Variants in EPHA5 observed in about 807,000 individuals in gnomAD.
EPHA5 encodes EPH receptor A5.
Under a neutral mutation model 105.0 loss-of-function variants are expected in EPHA5, and 60 were observed. The observed-to-expected ratio is 0.57, with a 90% CI of 0.46 to 0.71. EPHA5 has a LOEUF of 0.71. Ranked by LOEUF, EPHA5 falls within the 30% of genes least tolerant of loss-of-function variation. EPHA5 has a pLI of 0.00. For synonymous variants in EPHA5, 513 were observed against 449.1 expected (o/e 1.14, Z -1.80); for missense variants, 1,218 against 1,274.7 (o/e 0.96, Z 0.68).
Position 65,324,004 on chromosome 4 carries a change from G to C in EPHA5, c.*110C>G, listed in dbSNP as rs796182949. The C allele has an allele frequency of 3.7e-4, 254 of 695,582 alleles. 2 individuals carry two copies. The South Asian group carries it at 4.8e-3, about 13-fold the overall frequency. The allele number at this position is 695,582 out of a possible 1,614,324, so 43.1% of individuals were successfully genotyped here. A position where few individuals can be genotyped will look rare whatever the true frequency, so the allele number is the denominator to read the frequency against. On this transcript the variant is annotated 3_prime_UTR_variant, in exon 17 of 17. Coordinates refer to ENST00000613740, the MANE Select transcript of EPHA5 (RefSeq NM_001281766.3). ...TGTGGCTGAGGCAAATGTTTTCTAA[G>C]GTTTAGAAATCACTGTTTTCCCTTT... is the stretch of plus-strand genomic sequence containing the variant.
chr4:65,527,575 G>T (rs555953465), intron 3 of EPHA5, among the ~76,000 whole-genome samples: 1 of 151,982 alleles, frequency 6.6e-6, no homozygotes, highest in Non-Finnish European at 1.5e-5. Context: ...TTTTAAATTA[G>T]ATCTATATTT....
chr4:65,440,498 T>TCACA (rs1258442232), intron 5 of EPHA5, among the ~76,000 whole-genome samples: 2 of 28,162 alleles, frequency 7.1e-5, no homozygotes, highest in Non-Finnish European at 1.8e-4. Flanking sequence ...TTCCTAAATC[T>TCACA]TACACACACA....
intron 5 of EPHA5, among the ~76,000 whole-genome samples, chr4:65,478,524 T>C (rs1235858389): frequency 6.6e-6 from 1 of 152,188 alleles, no homozygotes; most frequent in Non-Finnish European, 1.5e-5. Flanking sequence ...CAGGCCAGAA[T>C]GCAGTGGCAC....
intron 3 of EPHA5, among the ~76,000 whole-genome samples, chr4:65,584,541 A>G (rs1475628199): frequency 2.0e-5 from 3 of 152,022 alleles, no homozygotes; most frequent in African/African-American, 7.2e-5. Flanking sequence ...CCTTTATGAC[A>G]TATTTAAAAA....
At chr4:65,331,673 A>T in intron 16 of EPHA5, 1 of 1,123,722 alleles carries the variant, frequency 8.9e-7, no homozygotes, top group Non-Finnish European at 1.1e-6. Context: ...GTATAAAAAA[A>T]CTTGTCAAGA....
intron 1 of EPHA5, among the ~76,000 whole-genome samples, chr4:65,657,626 C>T (rs1749188550): frequency 6.6e-6 from 1 of 152,012 alleles, no homozygotes; most frequent in Non-Finnish European, 1.5e-5. Flanking sequence ...ACTGCAATAC[C>T]AGAGATTCTG....
intron 8 of EPHA5, among the ~76,000 whole-genome samples, chr4:65,389,914 C>T (rs1168344284): frequency 1.3e-5 from 2 of 151,910 alleles, no homozygotes; most frequent in East Asian, 3.9e-4. Flanking sequence ...GAGGTCAAAC[C>T]TTGCCAACTT....
chr4:65,512,451 T>C (rs914879122), intron 3 of EPHA5, among the ~76,000 whole-genome samples: 3 of 152,128 alleles, frequency 2.0e-5, no homozygotes, highest in Admixed American at 1.3e-4. Flanking sequence ...GATTGGATGA[T>C]GGGGTTGCAT....
At position 65,322,381 on chromosome 4, in the gene EPHA5, G is replaced by A. The variant is rs899878929; in HGVS notation, c.*1733C>T. On this transcript the variant is annotated 3_prime_UTR_variant, in exon 17 of 17. Transcript: ENST00000613740. The stretch of plus-strand genomic sequence containing the variant: ...GAAAAAAGAATACCATTAATATAAC[G>A]TGGCTATATTTCTGATAAATTTCAT... 3.1e-5 allele frequency: 7 copies of A among 223,338 alleles called. No homozygotes were observed. The highest frequency in any genetic ancestry group is 5.8e-5 in the Admixed American group (1 of 17,344). 13.8% of individuals were successfully genotyped at this position (223,338 alleles called of 1,614,324 possible).
chr4:65,354,322 C>T (rs574017175), intron 11 of EPHA5, among the ~76,000 whole-genome samples: 60 of 151,794 alleles, frequency 4.0e-4, no homozygotes, highest in African/African-American at 1.4e-3. Flanking sequence ...ACATTTCATA[C>T]CTAGTATGTC....
chr4:65,399,140 T>C (rs2100264), intron 8 of EPHA5, among the ~76,000 whole-genome samples: 121,726 of 152,124 alleles, frequency 0.8, 49,109 homozygotes, highest in South Asian at 0.92. Context: ...TTTCTGGCAT[T>C]TCCAAGTTTC....
chr4:65,357,131 C>A (rs1225668191), intron 11 of EPHA5, among the ~76,000 whole-genome samples: 1 of 151,268 alleles, frequency 6.6e-6, no homozygotes, highest in Non-Finnish European at 1.5e-5. Flanking sequence ...TTATTGATAA[C>A]CATAAAAGAG....
At chr4:65,614,302 G>T (rs1745034426) in intron 2 of EPHA5, among the ~76,000 whole-genome samples, 1 of 151,748 alleles carries the variant, frequency 6.6e-6, no homozygotes, top group Non-Finnish European at 1.5e-5. Flanking sequence ...TTTTGCCAAT[G>T]TATTCTCATA....
intron 8 of EPHA5, among the ~76,000 whole-genome samples, chr4:65,381,085 C>A (rs1242570899): frequency 6.6e-6 from 1 of 150,746 alleles, no homozygotes; most frequent in Admixed American, 6.6e-5. Context: ...GGCTCACAGT[C>A]AGCACTTAGA....
intron 3 of EPHA5, among the ~76,000 whole-genome samples, chr4:65,555,877 T>C (rs1738388573): frequency 6.6e-6 from 1 of 152,272 alleles, no homozygotes; most frequent in African/African-American, 2.4e-5. Context: ...GCTCTTTTTT[T>C]ATTTTCTTAC....
chr4:65,510,207 TG>T (rs113656434), intron 3 of EPHA5, among the ~76,000 whole-genome samples: 134,023 of 146,576 alleles, frequency 0.91, 61,463 homozygotes, highest in South Asian at 0.97. Flanking sequence ...GCTAATTTTG[TG>T]TTTTTTTTTT....
chr4:65,645,965 G>T (rs925515296), intron 1 of EPHA5, among the ~76,000 whole-genome samples: 1 of 151,920 alleles, frequency 6.6e-6, no homozygotes, highest in Non-Finnish European at 1.5e-5. Context: ...GTAAAATTAG[G>T]CATTTTAGCA....
At chr4:65,424,093 CTTAA>C (rs1724195387) in intron 5 of EPHA5, among the ~76,000 whole-genome samples, 2 of 151,886 alleles carry the variant, frequency 1.3e-5, no homozygotes, top group South Asian at 4.1e-4. Flanking sequence ...TTCAACTGAA[CTTAA>C]TTATTCAGTT....
chr4:65,600,139 C>T (rs1743576834), intron 3 of EPHA5, among the ~76,000 whole-genome samples: 1 of 152,038 alleles, frequency 6.6e-6, no homozygotes, highest in African/African-American at 2.4e-5. Context: ...GAAATATATT[C>T]AATGGATTGC....
Sources: gnomAD v4.1 joint callset for allele counts (sites outside exome capture counted in the v4.1 genomes callset) on GRCh38, gnomAD v4.1.1 for gene constraint, MANE v1.5 for transcripts, NCBI Gene and HGNC (gene_info 2026-07-23, HGNC 2026-07-21) for gene names.